The following CCDC3 variants were observed in gnomAD, a reference collection of about 807,000 sequenced individuals.
CCDC3 encodes the protein coiled-coil domain containing 3.
In CCDC3, 24 loss-of-function variants were observed where a neutral mutation model predicts 21.4. The ratio of observed to expected loss-of-function variants is 1.12; its 90% CI spans 0.81 to 1.58. The LOEUF (loss-of-function observed/expected upper bound fraction) is 1.58, where lower values mean the gene tolerates loss of function less well. Among genes scored for constraint, CCDC3 ranks in the 40% most tolerant of loss-of-function variants. The pLI, the probability that CCDC3 is intolerant of heterozygous loss-of-function variation, is 0.00. For synonymous variants in CCDC3, 186 were observed against 166.0 expected, an observed-to-expected ratio of 1.12 and a Z score of -0.93; for missense variants, 425 against 360.9, an observed-to-expected ratio of 1.18 and a Z score of -1.44.
chr10:13,039,913 G>T (rs1413459865), intron 5 of CCDC3, among the ~76,000 whole-genome samples: 2 of 151,384 alleles, frequency 1.3e-5, no homozygotes, highest in African/African-American at 4.9e-5. Context: ...GCACAGAAAG[G>T]TTTCACAGAA....
intron 5 of CCDC3, among the ~76,000 whole-genome samples, chr10:13,034,651 C>T (rs185516443): frequency 6.6e-6 from 1 of 152,040 alleles, no homozygotes; most frequent in Non-Finnish European, 1.5e-5. Flanking sequence ...AGTCCAGATT[C>T]CTCTAAACTA....
intron 4 of CCDC3, among the ~76,000 whole-genome samples, chr10:13,066,074 G>A (rs1836817129): frequency 6.6e-6 from 1 of 152,078 alleles, no homozygotes; most frequent in South Asian, 2.1e-4. Context: ...TGATTGAGAT[G>A]CAAAATCCTG....
At chr10:12,942,335 G>A (rs1589015526) in intron 2 of CCDC3, among the ~76,000 whole-genome samples, 1 of 152,168 alleles carries the variant, frequency 6.6e-6, no homozygotes, top group Non-Finnish European at 1.5e-5. Flanking sequence ...TGATACAGGA[G>A]CTAAAAAGAA....
intron 3 of CCDC3, among the ~76,000 whole-genome samples, chr10:13,075,312 C>T (rs1836949373): frequency 6.6e-6 from 1 of 152,196 alleles, no homozygotes; most frequent in South Asian, 2.1e-4. Flanking sequence ...TAGTGACTGG[C>T]ACATGTAGGA....
intron 2 of CCDC3, among the ~76,000 whole-genome samples, chr10:12,922,939 T>C (rs897495744): frequency 6.6e-6 from 1 of 152,192 alleles, no homozygotes; most frequent in Non-Finnish European, 1.5e-5. Context: ...ATTGGCCAAA[T>C]GTTCAGTATA....
At chr10:13,063,500 T>A (rs1050836444) in intron 4 of CCDC3, among the ~76,000 whole-genome samples, 1 of 152,204 alleles carries the variant, frequency 6.6e-6, no homozygotes, top group Admixed American at 6.5e-5. Context: ...TTTATGTGTG[T>A]AGATGTTTAT....
chr10:13,005,295 A>T (rs1408567601), upstream of CCDC3, among the ~76,000 whole-genome samples: 1 of 152,180 alleles, frequency 6.6e-6, no homozygotes, highest in Non-Finnish European at 1.5e-5. Flanking sequence ...GAGGCCATAA[A>T]CCATATGAGT....
intron 2 of CCDC3, among the ~76,000 whole-genome samples, chr10:12,949,284 T>G (rs1834974119): frequency 6.6e-6 from 1 of 152,126 alleles, no homozygotes; most frequent in Non-Finnish European, 1.5e-5. Flanking sequence ...ATGAGTAAGT[T>G]TTGGCTATGG....
chr10:12,996,158 A>G (rs928057853), intron 2 of CCDC3, among the ~76,000 whole-genome samples: 1 of 152,344 alleles, frequency 6.6e-6, no homozygotes, highest in South Asian at 2.1e-4. Context: ...GTCCAACTCA[A>G]TATGGAGTAG....
Position 12,987,424 on chromosome 10 carries a change from T to G in CCDC3, c.549+10914A>C, listed in dbSNP as rs182887012. 2.5e-3 allele frequency among the ~76,000 whole-genome samples: 374 copies of G among 152,298 alleles called. 3 individuals are homozygous for G. Among genetic ancestry groups the G allele is most frequent in the Non-Finnish European group, 3.5e-3 (235 of 68,024 alleles). ...ATAACGCCTCACACATAACCAATAC[T>G]CTGTCCTTATTAGTATGTTACCTTT... On this transcript the variant is annotated intron_variant, in intron 2 of 2. Transcript: ENST00000378825.
chr10:13,014,059 G>A (rs1467211143), intron 5 of CCDC3, among the ~76,000 whole-genome samples: 1 of 152,024 alleles, frequency 6.6e-6, no homozygotes, highest in Admixed American at 6.6e-5. Context: ...GCTGAGGCAG[G>A]AGACTCACTT....
intron 2 of CCDC3, among the ~76,000 whole-genome samples, chr10:12,974,599 G>T (rs1366383710): frequency 6.6e-6 from 1 of 152,232 alleles, no homozygotes; most frequent in South Asian, 2.1e-4. Flanking sequence ...GGAAGCAGAG[G>T]TGTGGAGCAC....
chr10:13,010,664 G>A (rs187546329), intron 5 of CCDC3, among the ~76,000 whole-genome samples: 76 of 152,256 alleles, frequency 5.0e-4, no homozygotes, highest in Admixed American at 1.0e-3. Context: ...TATGAATGGC[G>A]GTAGCAGCTT....
intron 3 of CCDC3, among the ~76,000 whole-genome samples, chr10:13,075,756 G>A (rs967257571): frequency 2.6e-5 from 4 of 152,042 alleles, no homozygotes; most frequent in African/African-American, 9.7e-5. Context: ...ATGTATCGAT[G>A]TGGGTAGGCG....
intron 2 of CCDC3, among the ~76,000 whole-genome samples, chr10:12,968,469 T>A (rs1835294222): frequency 6.6e-6 from 1 of 152,208 alleles, no homozygotes; most frequent in African/African-American, 2.4e-5. Context: ...AACAGACCTG[T>A]CTTACAAGAA....
chr10:12,963,360 G>A (rs1390741667), intron 2 of CCDC3, among the ~76,000 whole-genome samples: 2 of 152,046 alleles, frequency 1.3e-5, no homozygotes, highest in South Asian at 4.2e-4. Flanking sequence ...TCACTGGTAT[G>A]GCATTGAGAC....
At chr10:13,054,154 CAAAAA>C (rs71386143) in intron 4 of CCDC3, among the ~76,000 whole-genome samples, 9 of 99,904 alleles carry the variant, frequency 9.0e-5, no homozygotes, top group Non-Finnish European at 1.5e-4. Flanking sequence ...GACTCTGTAT[CAAAAA>C]AAAAAAAAAA....
At chr10:12,903,810 AAAAT>A (rs1588997465) in intron 2 of CCDC3, among the ~76,000 whole-genome samples, 1 of 152,056 alleles carries the variant, frequency 6.6e-6, no homozygotes, top group Non-Finnish European at 1.5e-5. Flanking sequence ...TTATCTGTCT[AAAAT>A]AACACTTTTT....
intron 2 of CCDC3, among the ~76,000 whole-genome samples, chr10:12,920,781 T>C (rs1240466122): frequency 1.3e-5 from 2 of 152,318 alleles, no homozygotes; most frequent in African/African-American, 2.4e-5. Flanking sequence ...AGCACTGACG[T>C]CACTTGCCTA....
Sources: allele counts gnomAD v4.1 joint callset (sites outside exome capture counted in the v4.1 genomes callset), GRCh38; gene constraint gnomAD v4.1.1; transcripts MANE v1.5; gene names NCBI Gene and HGNC (gene_info 2026-07-23, HGNC 2026-07-21).